ERF: variants seen among roughly 807,000 people sequenced by gnomAD.
ERF encodes the protein ETS domain-containing transcription factor ERF.
A neutral mutation model predicts 41.6 loss-of-function variants in ERF; 10 were observed. The ratio of observed to expected loss-of-function variants is 0.24; its 90% CI spans 0.15 to 0.41. The LOEUF (loss-of-function observed/expected upper bound fraction) is 0.41. ERF is among the 10% of genes least tolerant of loss of function. The pLI, the probability that ERF is intolerant of heterozygous loss-of-function variation, is 1.00. For synonymous variants in ERF, 395 were observed against 342.4 expected (o/e 1.15, Z -1.70); for missense variants, 621 against 763.2 (o/e 0.81, Z 2.19).
At chr19:42,251,268 A>C (rs1003440334) in intron 1 of ERF, 1 of 985,884 alleles carries the variant, frequency 1.0e-6, no homozygotes, top group East Asian at 1.1e-4. Context: ...ACCTGGCTGG[A>C]GGGCCCAGCC....
intron 1 of ERF, among the ~76,000 whole-genome samples, chr19:42,254,269 C>T (rs1039004405): frequency 6.6e-6 from 1 of 151,934 alleles, no homozygotes; most frequent in Non-Finnish European, 1.5e-5. Context: ...CTTCCCCACC[C>T]TCCTCAACCC....
chr19:42,251,011 A>G (rs1427720729), intron 1 of ERF, among the ~76,000 whole-genome samples: 1 of 151,362 alleles, frequency 6.6e-6, no homozygotes, highest in East Asian at 1.9e-4. Flanking sequence ...AGAAACATGC[A>G]CTGTCTCCTC....
Position 42,253,895 on chromosome 19 carries a change from G to C in ERF, c.22+1083C>G. ...CCGCCGCCGCCGCCGCCGGGGGAAGGAAACAAGTTTGAACAGCGGCGCCCG... is the reference window on the plus strand; with the variant it reads ...CCGCCGCCGCCGCCGCCGGGGGAAGCAAACAAGTTTGAACAGCGGCGCCCG... On this transcript the variant is annotated intron_variant, in intron 1 of 3. Coordinates refer to ENST00000222329, the MANE Select transcript of ERF (RefSeq NM_006494.4). 4 of 1,080,326 alleles carry C rather than the reference G, an allele frequency of 3.7e-6. No individual in the cohort carries two copies. In the South Asian group the frequency reaches 7.0e-5, roughly 19 times the overall value. The allele number at this position is 1,080,326 out of a possible 1,614,324, so 66.9% of individuals were successfully genotyped here.
chr19:42,251,267 G>GA, intron 1 of ERF: 1 of 986,104 alleles, frequency 1.0e-6, no homozygotes, highest in Non-Finnish European at 1.2e-6. Flanking sequence ...CACCTGGCTG[G>GA]AGGGCCCAGC....
chr19:42,254,013 G>C (rs1007900223), intron 1 of ERF: 11 of 917,502 alleles, frequency 1.2e-5, no homozygotes, highest in Non-Finnish European at 1.4e-5. Flanking sequence ...CTGCGCGCTC[G>C]GGCGCAAAGT....
At position 42,250,269 on chromosome 19, in the gene ERF, G is replaced by A. The variant is rs1292655825; in HGVS notation, c.257+62C>T. On this transcript the variant is annotated intron_variant, in intron 2 of 3. Coordinates refer to ENST00000222329, the MANE Select transcript of ERF (RefSeq NM_006494.4). The surrounding 1 kb of genome is among the most constrained non-coding windows in gnomAD (Gnocchi z 5.1). ...ACCCAATGCTTGTTCCCACAGGCAA[G>A]GGGCTGTGCAACCCCGGGGGGGCAC... 1 of 1,562,850 alleles carries A rather than the reference G, an allele frequency of 6.4e-7. No individual in the cohort carries two copies. Among genetic ancestry groups the A allele is most frequent in the Non-Finnish European group, 8.7e-7 (1 of 1,145,400 alleles).
At position 42,248,774 on chromosome 19, in the gene ERF, C is replaced by T. The variant is rs747308083; in HGVS notation, c.1338G>A (p.Glu446=). 6.2e-7 allele frequency: 1 copy of T among 1,613,562 alleles called. No homozygotes were observed. The highest frequency in any genetic ancestry group is 8.5e-7 in the Non-Finnish European group (1 of 1,179,964). The change falls in exon 4 of 4, where the codon GAG becomes GAA. Residue 446 remains glutamate (E), a synonymous_variant. Coordinates refer to ENST00000222329, the MANE Select transcript of ERF (RefSeq NM_006494.4). This position sits in a 1 kb window ranked among gnomAD's most constrained non-coding sequence, Gnocchi z 4.2. Reference sequence around the variant, plus strand: ...TGAACACCTCCCCGTCTTCCTCATCCTCATCACTGATGTCAGTCACCTCTA... The same window carrying T: ...TGAACACCTCCCCGTCTTCCTCATCTTCATCACTGATGTCAGTCACCTCTA... The part of the protein sequence containing the change: ...EEVEVTDISD[E]DEEDGEVFKT...
In ERF at chr19:42,254,911, C is replaced by A. The variant is rs1599830407; in HGVS notation, c.22+67G>T. ...GCTCCCCCGGACCCCTTCAGCCCCC[C>A]CAAAGTTTCTCCGTTCGGTTTCCCG... On this transcript the variant is annotated intron_variant, in intron 1 of 3. Coordinates refer to ENST00000222329, the MANE Select transcript of ERF (RefSeq NM_006494.4). The A allele has an allele frequency of 6.0e-6, 9 of 1,496,968 alleles. 1 individual carries two copies. The highest frequency in any genetic ancestry group is 5.5e-5 in the East Asian group (2 of 36,630). 92.7% of individuals were successfully genotyped at this position (1,496,968 alleles called of 1,614,324 possible).
chr19:42,254,606 G>C (rs1055052072), intron 1 of ERF: 2 of 206,418 alleles, frequency 9.7e-6, no homozygotes, highest in Admixed American at 6.2e-5. Flanking sequence ...GGGATAGCGG[G>C]CCCGGTGGAC....
intron 1 of ERF, among the ~76,000 whole-genome samples, chr19:42,253,490 A>G (rs983837940): frequency 6.6e-6 from 1 of 152,018 alleles, no homozygotes; most frequent in Non-Finnish European, 1.5e-5. Context: ...GGATCCTATC[A>G]GGCCAAGGCC....
In ERF at chr19:42,255,027, G is replaced by A. The variant is rs776006672; in HGVS notation, c.-28C>T. 4 of 1,399,014 alleles carry A rather than the reference G, an allele frequency of 2.9e-6. No individual in the cohort carries two copies. Among genetic ancestry groups the A allele is most frequent in the Middle Eastern group, 2.2e-4 (1 of 4,462 alleles). The allele number at this position is 1,399,014 out of a possible 1,614,324, so 86.7% of individuals were successfully genotyped here. A position where few individuals can be genotyped will look rare whatever the true frequency, so the allele number is the denominator to read the frequency against. ...TGGGGGGCCCGGGGCGAAGCGCCCC[G>A]ATTCCGGGCCGCGGCTCCCGGCGCC... On this transcript the variant is annotated 5_prime_UTR_variant, in exon 1 of 4. Transcript: ENST00000222329.
At chr19:42,252,239 A>G (rs2036456044) in intron 1 of ERF, among the ~76,000 whole-genome samples, 1 of 152,174 alleles carries the variant, frequency 6.6e-6, no homozygotes, top group African/African-American at 2.4e-5. Context: ...ACCAAGCTCC[A>G]TGTTACTTCC....
At position 42,248,704 on chromosome 19, in the gene ERF, C is replaced by T. The variant is rs62119632; in HGVS notation, c.1408G>A (p.Glu470Lys). The T allele has an allele frequency of 1.9e-6, 3 of 1,612,392 alleles. No homozygotes were observed. The highest frequency in any genetic ancestry group is 1.1e-5 in the South Asian group (1 of 91,000). ...PPAPPKPEPG[E>K]APGASQCMPL... ...ATGCACTGGGATGCCCCGGGTGCCT[C>T]GCCGGGCTCAGGCTTAGGGGGTGCA... is the stretch of plus-strand genomic sequence containing the variant. The change falls in exon 4 of 4, where the codon GAG becomes AAG. Residue 470 changes from glutamate to lysine, a missense_variant. Transcript: ENST00000222329. This position sits in a 1 kb window ranked among gnomAD's most constrained non-coding sequence, Gnocchi z 4.2.
chr19:42,248,013 G>A lies in ERF; in HGVS notation c.*452C>T, dbSNP rs2036357549. ...ATGGCCCCCTGGAGGGGCAGGGCAG[G>A]CAGGGCTGGGGCTGAGGAGGGCTGG... is the stretch of plus-strand genomic sequence containing the variant. On this transcript the variant is annotated 3_prime_UTR_variant, in exon 4 of 4. Coordinates refer to ENST00000222329, the MANE Select transcript of ERF (RefSeq NM_006494.4). This position sits in a 1 kb window ranked among gnomAD's most constrained non-coding sequence, Gnocchi z 4.2. 2 of 156,004 alleles carry A rather than the reference G, an allele frequency of 1.3e-5. No homozygotes were observed. Among genetic ancestry groups the A allele is most frequent in the Admixed American group, 6.5e-5 (1 of 15,364 alleles). 9.7% of individuals were successfully genotyped at this position (156,004 alleles called of 1,614,324 possible).
chr19:42,254,876 G>A (rs1568475595), intron 1 of ERF, 102 bp downstream of exon 1: 7 of 1,324,866 alleles, frequency 5.3e-6, no homozygotes, highest in Non-Finnish European at 7.0e-6. Flanking sequence ...CAGAACTGGG[G>A]ATCACTCGGG....
intron 1 of ERF, among the ~76,000 whole-genome samples, chr19:42,253,239 C>A (rs958792248): frequency 6.6e-6 from 1 of 152,190 alleles, no homozygotes; most frequent in Non-Finnish European, 1.5e-5. Flanking sequence ...CCACCTCCCC[C>A]ACTCCAGGCG....
Position 42,255,050 on chromosome 19 carries a change from G to GT in ERF, c.-52_-51insA. On this transcript the variant is annotated 5_prime_UTR_variant, in exon 1 of 4. Transcript: ENST00000222329. ...CCGATTCCGGGCCGCGGCTCCCGGC[G>GT]CCCTCGCTGCCCCGTCCCGTCCCGC... The GT allele has an allele frequency of 7.5e-7, 1 of 1,327,206 alleles. No individual in the cohort carries two copies. Among genetic ancestry groups the GT allele is most frequent in the Non-Finnish European group, 9.6e-7 (1 of 1,038,480 alleles). 82.2% of individuals were successfully genotyped at this position (1,327,206 alleles called of 1,614,324 possible).
At position 42,248,686 on chromosome 19, in the gene ERF, G is replaced by A. The variant is rs2146947769; in HGVS notation, c.1426C>T (p.Gln476Ter). The change falls in exon 4 of 4, where the codon CAG becomes TAG. Residue 476 changes from glutamine (Q) to a stop codon, truncating the protein, a stop_gained. Transcript: ENST00000222329. LOFTEE classifies it high-confidence loss of function. This position sits in a 1 kb window ranked among gnomAD's most constrained non-coding sequence, Gnocchi z 4.2. ...PEPGEAPGAS[Q>*]CMPLKLRFKR... ...AAGCGTAGCTTGAGGGGCATGCACT[G>A]GGATGCCCCGGGTGCCTCGCCGGGC... The A allele has an allele frequency of 1.2e-6, 2 of 1,610,540 alleles. No homozygotes were observed. The highest frequency in any genetic ancestry group is 1.1e-5 in the South Asian group (1 of 90,924).
rs771315231 is a variant in ERF, at chr19:42,249,689, G to A, written c.423C>T (p.His141=). The A allele has an allele frequency of 1.2e-6, 2 of 1,600,442 alleles. No homozygotes were observed. The highest frequency in any genetic ancestry group is 8.5e-7 in the Non-Finnish European group (1 of 1,171,872). The change falls in exon 4 of 4, where the codon CAC becomes CAT. Residue 141 remains histidine, a synonymous_variant. Transcript: ENST00000222329. The surrounding 1 kb of genome is among the most constrained non-coding windows in gnomAD (Gnocchi z 8.6). ...AGGGCGTTGAGGGAGGGAAGCGGAAGTGGCTACCACCCGACGGCACTGGCG... is the reference window on the plus strand; with the variant it reads ...AGGGCGTTGAGGGAGGGAAGCGGAAATGGCTACCACCCGACGGCACTGGCG... ...SAPPVPSGGS[H]FRFPPSTPSE... is the part of the protein sequence containing the mutation.
Sources: gnomAD v4.1 joint callset for allele counts (sites outside exome capture counted in the v4.1 genomes callset) on GRCh38, gnomAD v4.1.1 for gene constraint, Gnocchi (gnomAD v3.1) non-coding constraint, MANE v1.5 for transcripts, NCBI Gene and HGNC (gene_info 2026-07-23, HGNC 2026-07-21) for gene names.